ASB15: variants seen among roughly 807,000 people sequenced by gnomAD.
ASB15 encodes ankyrin repeat and SOCS box protein 15.
ASB15 carries 54 observed loss-of-function variants against 58.0 expected under a neutral mutation model. That is an observed-to-expected ratio of 0.93 (90% confidence interval 0.75 to 1.17). ASB15 has a LOEUF of 1.17. Among genes scored for constraint, ASB15 ranks in the 50% most tolerant of loss-of-function variants. The pLI is 0.00. For missense variants in ASB15, 680 were observed against 707.4 expected (o/e 0.96, Z 0.44); for synonymous variants, 249 against 262.4 (o/e 0.95, Z 0.50).
intron 3 of ASB15, among the ~76,000 whole-genome samples, chr7:123,610,593 A>G (rs2116473317): frequency 6.6e-6 from 1 of 152,324 alleles, no homozygotes; most frequent in East Asian, 1.9e-4. Context: ...AACCTCTGAG[A>G]TTCCATAAGT....
At chr7:123,570,294 C>G (rs1050834353) in intron 1 of ASB15, among the ~76,000 whole-genome samples, 10 of 152,020 alleles carry the variant, frequency 6.6e-5, no homozygotes, top group South Asian at 6.2e-4. Context: ...CCTCGGCCCC[C>G]CAAAGTGCTG....
chr7:123,577,244 T>C (rs1799092151), intron 1 of ASB15, among the ~76,000 whole-genome samples: 1 of 152,178 alleles, frequency 6.6e-6, no homozygotes. Context: ...GATATGGCCA[T>C]GATTTTGCAT....
At chr7:123,612,991 AG>A (rs1212277266) in intron 3 of ASB15, among the ~76,000 whole-genome samples, 2 of 151,916 alleles carry the variant, frequency 1.3e-5, no homozygotes, top group Non-Finnish European at 2.9e-5. Context: ...CCTTTTGAGG[AG>A]ACTGAGATAC....
chr7:123,628,600 G>A (rs1238036181), intron 9 of ASB15, among the ~76,000 whole-genome samples: 1 of 152,208 alleles, frequency 6.6e-6, no homozygotes, highest in Middle Eastern at 3.4e-3. Flanking sequence ...GTGTTCTTGA[G>A]GAACTACAAT....
At chr7:123,624,462 G>A in intron 7 of ASB15, 107 bp from the exon 8 acceptor site, 4 of 1,087,978 alleles carry the variant, frequency 3.7e-6, no homozygotes, top group Middle Eastern at 2.4e-4. Flanking sequence ...TAGAAAAAAA[G>A]TTACTAGCTA....
At position 123,639,237 on chromosome 7, in the gene ASB15, A is replaced by G. The variant is rs1802539476; in HGVS notation, c.*2256A>G. 1 of 152,166 alleles carries G rather than the reference A, an allele frequency of 6.6e-6. No individual in the cohort carries two copies. Among genetic ancestry groups the G allele is most frequent in the Non-Finnish European group, 1.5e-5 (1 of 68,022 alleles). The allele number at this position is 152,166 out of a possible 1,614,324, so 9.4% of individuals were successfully genotyped here. On this transcript the variant is annotated 3_prime_UTR_variant, in exon 12 of 12. Coordinates refer to ENST00000451215, the MANE Select transcript of ASB15 (RefSeq NM_001290258.2). ...AAATAAGTATGAAAAAAATCGTACAATTAGGGCTATAATTTTAACTTCTTG... is the reference window on the plus strand; with the variant it reads ...AAATAAGTATGAAAAAAATCGTACAGTTAGGGCTATAATTTTAACTTCTTG...
At chr7:123,604,635 C>A (rs1800050330) in intron 2 of ASB15, among the ~76,000 whole-genome samples, 1 of 151,534 alleles carries the variant, frequency 6.6e-6, no homozygotes, top group Non-Finnish European at 1.5e-5. Flanking sequence ...AGATAGCAAA[C>A]TCCCTGACAC....
chr7:123,629,311 C>T lies in ASB15; in HGVS notation c.1317C>T (p.Gly439=). 1 of 1,614,022 alleles carries T rather than the reference C, an allele frequency of 6.2e-7. No individual in the cohort carries two copies. The highest frequency in any genetic ancestry group is 8.5e-7 in the Non-Finnish European group (1 of 1,179,936). Residue 439 remains glycine (G), a synonymous_variant, in exon 10 of 12, where the codon GGC becomes GGT. Coordinates refer to ENST00000451215, the MANE Select transcript of ASB15 (RefSeq NM_001290258.2). ...EVMLRLLLNN[G]YQVEMCFDCM... The stretch of plus-strand genomic sequence containing the variant: ...TGCTGAGGCTATTGCTGAATAATGG[C>T]TATCAAGTGGAGATGTGCTTTGACT...
intron 1 of ASB15, among the ~76,000 whole-genome samples, chr7:123,602,449 G>T (rs999458724): frequency 1.3e-5 from 2 of 152,030 alleles, no homozygotes; most frequent in African/African-American, 4.8e-5. Flanking sequence ...AGGTTGGAAA[G>T]TCCTTAAAAT....
chr7:123,596,364 C>T (rs901153069), intron 1 of ASB15: 10 of 152,016 alleles, frequency 6.6e-5, no homozygotes, highest in African/African-American at 2.2e-4. Flanking sequence ...GTGATCCCAA[C>T]ACTTTGAAGG....
chr7:123,569,288 T>G (rs1451563721), intron 1 of ASB15, among the ~76,000 whole-genome samples: 2 of 152,118 alleles, frequency 1.3e-5, no homozygotes, highest in African/African-American at 2.4e-5. Context: ...TTCTGGTAAA[T>G]TCATCTGGGA....
chr7:123,637,480 C>T lies in ASB15; in HGVS notation c.*499C>T, dbSNP rs183094604. 2.8e-3 allele frequency: 434 copies of T among 153,200 alleles called. 8 individuals are homozygous for T. Among genetic ancestry groups the T allele is most frequent in the Admixed American group, 0.024 (375 of 15,342 alleles). 9.5% of individuals were successfully genotyped at this position (153,200 alleles called of 1,614,324 possible). On this transcript the variant is annotated 3_prime_UTR_variant, in exon 12 of 12. Transcript: ENST00000451215. ...AACATTCTTCAGTCCCTCTTCCAAT[C>T]GATTCCTACAGCATCTAACATTGTT...
At chr7:123,592,956 G>T (rs1799582270) in intron 1 of ASB15, among the ~76,000 whole-genome samples, 1 of 152,020 alleles carries the variant, frequency 6.6e-6, no homozygotes, top group Non-Finnish European at 1.5e-5. Context: ...CGGTGCTCCT[G>T]TATTGGGTGC....
intron 3 of ASB15, among the ~76,000 whole-genome samples, chr7:123,611,139 T>C (rs2116478088): frequency 6.7e-6 from 1 of 148,150 alleles, no homozygotes; most frequent in African/African-American, 2.5e-5. Context: ...GACTGAGAAG[T>C]GGGATACCCA....
intron 7 of ASB15, among the ~76,000 whole-genome samples, chr7:123,620,550 ATATATT>A (rs1801233570): frequency 5.5e-5 from 1 of 18,298 alleles, no homozygotes; most frequent in Admixed American, 7.5e-4. Flanking sequence ...ATATATATAT[ATATATT>A]TTTTTTTTTT....
chr7:123,603,865 T>C (rs915367298), intron 1 of ASB15, among the ~76,000 whole-genome samples, 167 bp from the exon 2 acceptor site: 39 of 152,194 alleles, frequency 2.6e-4, no homozygotes, highest in African/African-American at 8.9e-4. Flanking sequence ...TGTAACATAA[T>C]AGCCTAAATA....
intron 1 of ASB15, among the ~76,000 whole-genome samples, chr7:123,576,933 G>A (rs1266324450): frequency 1.3e-5 from 2 of 152,002 alleles, no homozygotes; most frequent in South Asian, 4.1e-4. Context: ...TCTCCGTGTT[G>A]CTTATGCACA....
At chr7:123,578,358 A>C (rs939583437) in intron 1 of ASB15, among the ~76,000 whole-genome samples, 2 of 151,752 alleles carry the variant, frequency 1.3e-5, no homozygotes, top group Non-Finnish European at 2.9e-5. Flanking sequence ...TCTGTTTTTT[A>C]GCCTCTAGGA....
chr7:123,589,493 C>T (rs1024677594), intron 1 of ASB15, among the ~76,000 whole-genome samples: 1 of 151,918 alleles, frequency 6.6e-6, no homozygotes, highest in African/African-American at 2.4e-5. Flanking sequence ...TCAACAGCCC[C>T]TGGTGTGTGA....
Sources: allele counts gnomAD v4.1 joint callset (sites outside exome capture counted in the v4.1 genomes callset), GRCh38; gene constraint gnomAD v4.1.1; transcripts MANE v1.5; gene names NCBI Gene and HGNC (gene_info 2026-07-23, HGNC 2026-07-21).